The following UACA variants were observed in gnomAD, a reference collection of about 807,000 sequenced individuals.
UACA encodes the protein nuclear membrane binding protein.
UACA carries 112 observed loss-of-function variants against 160.5 expected under a neutral mutation model. That is an observed-to-expected ratio of 0.70 (90% CI 0.60 to 0.82). The LOEUF (loss-of-function observed/expected upper bound fraction) is 0.82, where lower values mean the gene tolerates loss of function less well. Ranked by LOEUF, UACA falls within the 40% of genes least tolerant of loss-of-function variation. The pLI, the probability that UACA is intolerant of heterozygous loss-of-function variation, is 0.00. For synonymous variants in UACA, 557 were observed against 568.4 expected (o/e 0.98, Z 0.29); for missense variants, 1,574 against 1,614.6 (o/e 0.97, Z 0.43).
intron 11 of UACA, 39 bp downstream of exon 11, chr15:70,678,060 G>A: frequency 7.0e-7 from 1 of 1,420,972 alleles, no homozygotes; most frequent in South Asian, 1.3e-5. Flanking sequence ...TATTGATATA[G>A]TAAGACAGTT....
At chr15:70,769,130 G>A in the UACA span, among the ~76,000 whole-genome samples, 4 of 151,772 alleles carry the variant, frequency 2.6e-5, no homozygotes, top group African/African-American at 4.8e-5. Context: ...AGGCCGAGGC[G>A]GGCAGGTCAC....
At chr15:70,704,001 T>C (rs1397628124) in intron 1 of UACA, among the ~76,000 whole-genome samples, 2 of 152,154 alleles carry the variant, frequency 1.3e-5, no homozygotes, top group Non-Finnish European at 2.9e-5. Flanking sequence ...CCGTTTTACT[T>C]TTCTGCAGGG....
In UACA at chr15:70,718,517, T is replaced by C. The variant is rs142001316; in HGVS notation, c.79-18857A>G. ...TGAGTTACAGCCAGCCTTCTTGCTG[T>C]AGTACTTTGTGAAGAGACTGGCACA... On this transcript the variant is annotated intron_variant, in intron 1 of 18. Transcript: ENST00000322954. 1.1e-3 allele frequency among the ~76,000 whole-genome samples: 170 copies of C among 152,262 alleles called. 3 individuals carry two copies. Among genetic ancestry groups the C allele is most frequent in the Non-Finnish European group, 1.5e-4 (10 of 68,030 alleles).
At chr15:70,676,963 A>G (rs972004008) in intron 12 of UACA, 145 bp downstream of exon 12, 44 of 601,718 alleles carry the variant, frequency 7.3e-5, no homozygotes, top group East Asian at 5.8e-4. Context: ...ATCCTTTTTT[A>G]GTCATCTATA....
At chr15:70,674,342 T>C (rs1437755129) in intron 13 of UACA, among the ~76,000 whole-genome samples, 1 of 152,158 alleles carries the variant, frequency 6.6e-6, no homozygotes, top group Non-Finnish European at 1.5e-5. Flanking sequence ...CAAAACAGGA[T>C]GTACTATATG....
In UACA at chr15:70,763,495, G is replaced by A; in HGVS notation, c.-88C>T. ...GTAGACGGCAGCGGCTGCAGCAGAG[G>A]CGGCGCGGGCTGTACCAGCCCCACC... On this transcript the variant is annotated 5_prime_UTR_variant, in exon 1 of 19. Coordinates refer to ENST00000322954, the MANE Select transcript of UACA (RefSeq NM_018003.4). 7.9e-7 allele frequency: 1 copy of A among 1,258,626 alleles called. No individual in the cohort carries two copies. Among genetic ancestry groups the A allele is most frequent in the Non-Finnish European group, 1.0e-6 (1 of 994,824 alleles). The allele number at this position is 1,258,626 out of a possible 1,614,324, so 78.0% of individuals were successfully genotyped here. A position where few individuals can be genotyped will look rare whatever the true frequency, so the allele number is the denominator to read the frequency against.
In UACA at chr15:70,715,283, T is replaced by G. The variant is rs563989681; in HGVS notation, c.79-15623A>C. 2.2e-4 allele frequency among the ~76,000 whole-genome samples: 34 copies of G among 152,316 alleles called. No homozygotes were observed. The East Asian group carries it at 6.4e-3, about 28-fold the overall frequency. ...CAAATATTTTTGCCAATGTTTGATA[T>G]GTATCTCAAAACAGGAGAGTTTTAG... is the stretch of plus-strand genomic sequence containing the variant. On this transcript the variant is annotated intron_variant, in intron 1 of 18. Transcript: ENST00000322954.
intron 9 of UACA, among the ~76,000 whole-genome samples, chr15:70,680,255 C>T (rs1897450848): frequency 6.6e-6 from 1 of 151,856 alleles, no homozygotes; most frequent in Admixed American, 6.6e-5. Context: ...AACTTTATTC[C>T]AGCTTAGAGA....
chr15:70,717,991 A>G (rs1432205640), intron 1 of UACA, among the ~76,000 whole-genome samples: 1 of 151,474 alleles, frequency 6.6e-6, no homozygotes, highest in African/African-American at 2.4e-5. Context: ...CCAGTACCAT[A>G]ATCACATCAG....
Position 70,724,084 on chromosome 15 carries a change from C to A in UACA, c.79-24424G>T, listed in dbSNP as rs551166580. Among the ~76,000 whole-genome samples, 12 of 152,320 alleles carry A rather than the reference C, an allele frequency of 7.9e-5. No individual in the cohort carries two copies. The East Asian group carries it at 1.7e-3, about 22-fold the overall frequency. ...TTAGCTTTCTAATCCTGTCTCCCCCCACTTTTCTGTCTACAAATTTCTCAA... is the reference window on the plus strand; with the variant it reads ...TTAGCTTTCTAATCCTGTCTCCCCCAACTTTTCTGTCTACAAATTTCTCAA... On this transcript the variant is annotated intron_variant, in intron 1 of 18. Transcript: ENST00000322954.
At chr15:70,722,321 C>CTTT (rs66463519) in intron 1 of UACA, among the ~76,000 whole-genome samples, 1 of 144,228 alleles carries the variant, frequency 6.9e-6, no homozygotes, top group Non-Finnish European at 1.5e-5. Context: ...AGCAAAATCA[C>CTTT]TTTTTTTTTT....
intron 1 of UACA, among the ~76,000 whole-genome samples, chr15:70,706,925 G>A (rs1328343965): frequency 6.6e-6 from 1 of 152,156 alleles, no homozygotes; most frequent in East Asian, 1.9e-4. Flanking sequence ...CATTTTTGCA[G>A]AAATAGAAAA....
intron 1 of UACA, among the ~76,000 whole-genome samples, chr15:70,760,480 T>C (rs530941773): frequency 3.9e-5 from 6 of 151,932 alleles, no homozygotes; most frequent in South Asian, 2.1e-4. Context: ...TATATACAAA[T>C]GAATAGGGAA....
At chr15:70,766,893 G>A (rs1404808971), upstream of UACA, among the ~76,000 whole-genome samples, 1 of 152,206 alleles carries the variant, frequency 6.6e-6, no homozygotes, top group Non-Finnish European at 1.5e-5. Context: ...TAACTCAGAT[G>A]ATGATAACGG....
intron 1 of UACA, among the ~76,000 whole-genome samples, chr15:70,708,385 G>A (rs992408920): frequency 2.6e-5 from 4 of 151,934 alleles, no homozygotes; most frequent in African/African-American, 7.3e-5. Flanking sequence ...AATTTAAAAT[G>A]GTTGACAGTA....
chr15:70,685,121 C>G (rs1183687644), intron 7 of UACA, among the ~76,000 whole-genome samples: 1 of 152,112 alleles, frequency 6.6e-6, no homozygotes, highest in Non-Finnish European at 1.5e-5. Flanking sequence ...ATTCTTCTAC[C>G]TGAAGACCTT....
At chr15:70,693,782 A>T (rs1028923590) in intron 3 of UACA, among the ~76,000 whole-genome samples, 1 of 152,116 alleles carries the variant, frequency 6.6e-6, no homozygotes, top group African/African-American at 2.4e-5. Flanking sequence ...TTGAATTGGG[A>T]TCCACACAAT....
intron 1 of UACA, among the ~76,000 whole-genome samples, chr15:70,756,224 T>C (rs1202982264): frequency 6.6e-6 from 1 of 151,684 alleles, no homozygotes; most frequent in African/African-American, 2.4e-5. Context: ...TGGAGTGCAA[T>C]GGCATGATCT....
At position 70,671,101 on chromosome 15, in the gene UACA, T is replaced by A. The variant is rs199712841; in HGVS notation, c.1169-10A>T. The A allele has an allele frequency of 4.2e-5, 66 of 1,574,490 alleles. No homozygotes were observed. The African/African-American group carries it at 8.4e-4, about 20-fold the overall frequency. On this transcript the variant is annotated splice_polypyrimidine_tract_variant and intron_variant, in intron 14 of 18. Transcript: ENST00000322954. ...AGCATATCTTCTTTTCCTAAATAAA[T>A]GCAAATGAATGACATTTTAACTTCA... is the stretch of plus-strand genomic sequence containing the variant.
Sources: gnomAD v4.1 joint callset for allele counts (sites outside exome capture counted in the v4.1 genomes callset) on GRCh38, gnomAD v4.1.1 for gene constraint, MANE v1.5 for transcripts, NCBI Gene and HGNC (gene_info 2026-07-23, HGNC 2026-07-21) for gene names.